RSRP1: variants seen among roughly 807,000 people sequenced by gnomAD.
The protein encoded by RSRP1 is arginine/serine-rich protein 1.
A neutral mutation model predicts 33.0 loss-of-function variants in RSRP1; 37 were observed. The observed-to-expected ratio is 1.12, with a 90% CI of 0.86 to 1.48. The LOEUF (loss-of-function observed/expected upper bound fraction) is 1.48, where lower values mean the gene tolerates loss of function less well. Among genes scored for constraint, RSRP1 ranks in the 40% most tolerant of loss-of-function variants. The pLI, the probability that RSRP1 is intolerant of heterozygous loss-of-function variation, is 0.00. For synonymous variants in RSRP1, 167 were observed against 158.7 expected, an observed-to-expected ratio of 1.05 and a Z score of -0.40; for missense variants, 402 against 385.3, an observed-to-expected ratio of 1.04 and a Z score of -0.36.
chr1:25,284,943 A>G (rs1221332563), intron 1 of RSRP1, among the ~76,000 whole-genome samples: 1 of 135,024 alleles, frequency 7.4e-6, no homozygotes, highest in East Asian at 1.9e-4. Flanking sequence ...GGCATCCTGT[A>G]TTTTACTGGA....
In RSRP1 at chr1:25,293,837, A is replaced by C. The variant is rs634594; in HGVS notation, c.-67+44141T>G. On this transcript the variant is annotated intron_variant, in intron 1 of 1. Coordinates refer to the RSRP1 transcript ENST00000561867. ...GAAATTTGATCATGTACTAATCATA[A>C]TAAAGCTGGATTCTCTTTAAGAGAT... Among the ~76,000 whole-genome samples the C allele has an allele frequency of 9.4e-3, 1,239 of 132,114 alleles. 181 individuals are homozygous for C. Among genetic ancestry groups the C allele is most frequent in the African/African-American group, 0.031 (1,181 of 38,598 alleles). The allele number at this position is 132,114 out of a possible 152,430, so 86.7% of individuals were successfully genotyped here. A position where few individuals can be genotyped will look rare whatever the true frequency, so the allele number is the denominator to read the frequency against.
chr1:25,312,920 TAAAAAAAA>T (rs58027687), intron 1 of RSRP1, among the ~76,000 whole-genome samples: 30 of 6,854 alleles, frequency 4.4e-3, no homozygotes, highest in East Asian at 0.013. Context: ...ATCCCATCTC[TAAAAAAAA>T]AAAAAAAAAA....
At chr1:25,296,883 G>A (rs1428822683) in intron 1 of RSRP1, among the ~76,000 whole-genome samples, 1 of 128,932 alleles carries the variant, frequency 7.8e-6, no homozygotes, top group Non-Finnish European at 1.8e-5. Flanking sequence ...TATAAATTAC[G>A]CAGTCTCAGG....
At chr1:25,277,066 A>C (rs1278396618) in intron 1 of RSRP1, among the ~76,000 whole-genome samples, 1 of 130,490 alleles carries the variant, frequency 7.7e-6, no homozygotes, top group Non-Finnish European at 1.8e-5. Flanking sequence ...GACTCCGTCT[A>C]AAAAAAAATG....
chr1:25,329,703 G>C (rs1644955706), intron 1 of RSRP1: 1 of 130,306 alleles, frequency 7.7e-6, no homozygotes, highest in South Asian at 2.2e-4. Flanking sequence ...CACCAGGCTG[G>C]AGTGCAGTGC....
At chr1:25,314,278 A>C (rs1471357780) in intron 1 of RSRP1, among the ~76,000 whole-genome samples, 1 of 132,776 alleles carries the variant, frequency 7.5e-6, no homozygotes, top group Non-Finnish European at 1.8e-5. Context: ...GTCATTTAGC[A>C]ATCAAACCTA....
chr1:25,334,541 C>T (rs1420966208), intron 1 of RSRP1, among the ~76,000 whole-genome samples: 2 of 132,784 alleles, frequency 1.5e-5, no homozygotes, highest in Non-Finnish European at 3.6e-5. Flanking sequence ...GGTGGTGCCC[C>T]AGTAGGGACT....
rs1407823579 is a variant in RSRP1 at position 25,329,845 on chromosome 1, T to A, written c.-67+8133A>T. The A allele has an allele frequency of 2.3e-5, 3 of 129,442 alleles. 1 individual carries two copies. Among genetic ancestry groups the A allele is most frequent in the African/African-American group, 7.9e-5 (3 of 37,974 alleles). 8.0% of individuals were successfully genotyped at this position (129,442 alleles called of 1,614,324 possible). A position where few individuals can be genotyped will look rare whatever the true frequency, so the allele number is the denominator to read the frequency against. ...ATTTTTGCATTTTTACTTGACAGGG[T>A]TTCACCATGTTGGCTAGGATAGTTT... On this transcript the variant is annotated intron_variant, in intron 1 of 1. Transcript: ENST00000561867.
At chr1:25,251,005 A>T (rs4518840), upstream of RSRP1, among the ~76,000 whole-genome samples, 139,649 of 151,524 alleles carry the variant, frequency 0.92, 64,520 homozygotes, top group East Asian at 1. Flanking sequence ...CGAGACTCCA[A>T]CTCAAAGAAA....
upstream of RSRP1, among the ~76,000 whole-genome samples, chr1:25,250,035 G>A (rs535294086): frequency 2.6e-5 from 4 of 152,240 alleles, no homozygotes; most frequent in South Asian, 4.1e-4. Context: ...AAATTCTCTC[G>A]GCCCTGAAGA....
At chr1:25,314,041 A>C (rs139202410) in intron 1 of RSRP1, among the ~76,000 whole-genome samples, 1,703 of 133,050 alleles carry the variant, frequency 0.013, 233 homozygotes, top group African/African-American at 0.04. Context: ...TATTGCTCCT[A>C]TGAACATTCT....
rs1329065491 is a variant in RSRP1 at position 25,296,468 on chromosome 1, C to A, written c.-67+41510G>T. 2.1e-3 allele frequency among the ~76,000 whole-genome samples: 252 copies of A among 120,338 alleles called. 24 individuals carry two copies. The highest frequency in any genetic ancestry group is 6.7e-3 in the African/African-American group (244 of 36,562). 78.9% of individuals were successfully genotyped at this position (120,338 alleles called of 152,430 possible). ...CCATATTGGCCAGGCTGGTCTTGAG[C>A]TCCTGGCCTCAGTTGATCCACCTGT... On this transcript the variant is annotated intron_variant, in intron 1 of 1. Transcript: ENST00000561867.
rs995406777 is a variant in RSRP1 at position 25,275,445 on chromosome 1, G to C, written c.-66-28416C>G. ...CATGGAGGAAGCCATGCCAGGGCTGGTGTTGGGCACAGGGAAAGGGGCATG... is the reference window on the plus strand; with the variant it reads ...CATGGAGGAAGCCATGCCAGGGCTGCTGTTGGGCACAGGGAAAGGGGCATG... On this transcript the variant is annotated intron_variant, in intron 1 of 1. Transcript: ENST00000561867. 1.5e-5 allele frequency among the ~76,000 whole-genome samples: 2 copies of C among 132,104 alleles called. 1 individual carries two copies. Among genetic ancestry groups the C allele is most frequent in the Admixed American group, 1.5e-4 (2 of 13,548 alleles). The allele number at this position is 132,104 out of a possible 152,430, so 86.7% of individuals were successfully genotyped here. A position where few individuals can be genotyped will look rare whatever the true frequency, so the allele number is the denominator to read the frequency against.
rs1412372238 is a variant in RSRP1, at chr1:25,315,469, A to G, written c.-67+22509T>C. On this transcript the variant is annotated intron_variant, in intron 1 of 1. Transcript: ENST00000561867. ...GAGCAGCAGGGTGGCAACTCTTTTT[A>G]TCTTTTTAATTTATTTTTCTTTTCT... Among the ~76,000 whole-genome samples, 2 of 122,394 alleles carry G rather than the reference A, an allele frequency of 1.6e-5. 1 individual carries two copies. The highest frequency in any genetic ancestry group is 4.0e-4 in the East Asian group (2 of 5,014). 80.3% of individuals were successfully genotyped at this position (122,394 alleles called of 152,430 possible).
intron 1 of RSRP1, among the ~76,000 whole-genome samples, chr1:25,296,570 G>C (rs186826335): frequency 7.7e-6 from 1 of 129,766 alleles, no homozygotes; most frequent in African/African-American, 2.6e-5. Context: ...GATGCAGTTG[G>C]GTTCTGTATC....
chr1:25,246,589 C>A lies in RSRP1; in HGVS notation c.375G>T (p.Ser125=), dbSNP rs745340039. The change falls in exon 2 of 5, where the codon TCG becomes TCT. Residue 125 remains serine, a synonymous_variant. Transcript: ENST00000243189. ...CGATCGCGTACGCCCTTCCGCAGTA[C>A]GACCTTCCCCGAGAGCGCGACCTGC... ...SRSRSRSRGR[S]YCGRAYAIAR... The A allele has an allele frequency of 1.5e-5, 25 of 1,613,540 alleles. No homozygotes were observed. The South Asian group carries it at 2.5e-4, about 16-fold the overall frequency.
At chr1:25,249,220 A>C (rs559142018), upstream of RSRP1, among the ~76,000 whole-genome samples, 43 of 152,196 alleles carry the variant, frequency 2.8e-4, no homozygotes, top group Non-Finnish European at 5.9e-4. Context: ...TTGGGGAACT[A>C]AAGTATACTT....
chr1:25,310,671 T>C lies in RSRP1; in HGVS notation c.-67+27307A>G, dbSNP rs1571710129. Among the ~76,000 whole-genome samples, 3 of 132,196 alleles carry C rather than the reference T, an allele frequency of 2.3e-5. No individual in the cohort carries two copies. The South Asian group carries it at 6.9e-4, about 31-fold the overall frequency. 86.7% of individuals were successfully genotyped at this position (132,196 alleles called of 152,430 possible). ...GGAGCAGGCTAGAAAAAGCCTGTAT[T>C]GTCAAGAATGGAGCATTATGCCAGG... On this transcript the variant is annotated intron_variant, in intron 1 of 1. Transcript: ENST00000561867.
chr1:25,332,197 T>C (rs1210546131), intron 1 of RSRP1, among the ~76,000 whole-genome samples: 2 of 126,402 alleles, frequency 1.6e-5, no homozygotes, highest in Non-Finnish European at 3.7e-5. Context: ...CCACCACACC[T>C]AGCTACTTTT....
Sources: allele counts gnomAD v4.1 joint callset (sites outside exome capture counted in the v4.1 genomes callset), GRCh38; gene constraint gnomAD v4.1.1; transcripts MANE v1.5; gene names NCBI Gene and HGNC (gene_info 2026-07-23, HGNC 2026-07-21).